RGS5: variants seen among roughly 807,000 people sequenced by gnomAD.
RGS5 encodes regulator of G protein signaling 5, also known as regulator of G-protein signalling 5.
Under a neutral mutation model 18.9 loss-of-function variants are expected in RGS5, and 20 were observed. The ratio of observed to expected loss-of-function variants is 1.06; its 90% confidence interval spans 0.74 to 1.54. The LOEUF is 1.54. RGS5 is among the 40% of genes most tolerant of loss of function. RGS5 has a pLI of 0.00. For synonymous variants in RGS5, 57 were observed against 76.2 expected, an observed-to-expected ratio of 0.75 and a Z score of 1.31; for missense variants, 201 against 211.8, an observed-to-expected ratio of 0.95 and a Z score of 0.32.
chr1:163,272,065 A>C (rs927927050), intron 2 of RGS5, among the ~76,000 whole-genome samples: 4 of 147,470 alleles, frequency 2.7e-5, no homozygotes, highest in Non-Finnish European at 4.5e-5. Context: ...TTTTTTTCTT[A>C]GGTGAAGTCT....
At chr1:163,315,536 C>A (rs1437313911) in intron 1 of RGS5, among the ~76,000 whole-genome samples, 1 of 152,162 alleles carries the variant, frequency 6.6e-6, no homozygotes, top group Non-Finnish European at 1.5e-5. Context: ...GGAAATGATA[C>A]TAGAGAGGTT....
At chr1:163,233,756 C>T (rs747759326) in intron 2 of RGS5, among the ~76,000 whole-genome samples, 1 of 152,008 alleles carries the variant, frequency 6.6e-6, no homozygotes, top group Non-Finnish European at 1.5e-5. Flanking sequence ...TTACAAAGTA[C>T]CTTCTTAAGG....
chr1:163,278,527 A>G (rs915541482), intron 2 of RGS5, among the ~76,000 whole-genome samples: 20 of 152,138 alleles, frequency 1.3e-4, no homozygotes, highest in African/African-American at 4.6e-4. Context: ...ATGAAAACAC[A>G]GAAGTATTAA....
chr1:163,223,565 T>C (rs1033595170), intron 2 of RGS5, among the ~76,000 whole-genome samples: 2 of 152,176 alleles, frequency 1.3e-5, no homozygotes, highest in Non-Finnish European at 2.9e-5. Context: ...GCTTCCTTTC[T>C]CTTTAAGCTA....
chr1:163,271,776 C>A (rs2101712348), intron 2 of RGS5, among the ~76,000 whole-genome samples: 1 of 152,204 alleles, frequency 6.6e-6, no homozygotes, highest in East Asian at 1.9e-4. Context: ...CCTTTGTGGG[C>A]ATATGTTTTC....
At chr1:163,178,135 G>A (rs776264203) in intron 1 of RGS5, among the ~76,000 whole-genome samples, 6 of 151,758 alleles carry the variant, frequency 4.0e-5, no homozygotes, top group South Asian at 2.1e-4. Flanking sequence ...AACACTCCCC[G>A]CCGTCTCTTC....
Position 163,147,044 on chromosome 1 carries a change from T to A in RGS5, c.*298A>T. On this transcript the variant is annotated 3_prime_UTR_variant, in exon 5 of 5. Transcript: ENST00000313961. Reference sequence around the variant, plus strand: ...ATTCATTGATATCATAGTCTTGTCTTATATTTCTTTGCCTTAGGCAGGATT... The same window carrying A: ...ATTCATTGATATCATAGTCTTGTCTAATATTTCTTTGCCTTAGGCAGGATT... The A allele has an allele frequency of 4.3e-6, 1 of 231,826 alleles. No individual in the cohort carries two copies. The highest frequency in any genetic ancestry group is 1.4e-4 in the South Asian group (1 of 7,210). The allele number at this position is 231,826 out of a possible 1,614,324, so 14.4% of individuals were successfully genotyped here.
chr1:163,254,310 C>T (rs1648206449), intron 2 of RGS5, among the ~76,000 whole-genome samples: 1 of 151,752 alleles, frequency 6.6e-6, no homozygotes, highest in South Asian at 2.1e-4. Context: ...TCTCCAGCAC[C>T]TGTTCTTTCC....
At chr1:163,245,258 T>C (rs1251812207) in intron 2 of RGS5, among the ~76,000 whole-genome samples, 1 of 152,198 alleles carries the variant, frequency 6.6e-6, no homozygotes, top group Non-Finnish European at 1.5e-5. Flanking sequence ...ATATCCCTCA[T>C]GTACTACACC....
At chr1:163,238,219 A>C (rs1368327854) in intron 2 of RGS5, among the ~76,000 whole-genome samples, 1 of 152,222 alleles carries the variant, frequency 6.6e-6, no homozygotes, top group Non-Finnish European at 1.5e-5. Context: ...AAATCTTATA[A>C]TTATCTACAT....
intron 2 of RGS5, among the ~76,000 whole-genome samples, chr1:163,259,535 T>G (rs1309421574): frequency 2.0e-5 from 3 of 151,992 alleles, no homozygotes; most frequent in South Asian, 4.1e-4. Flanking sequence ...CACAATACAG[T>G]ATGGTACACA....
At chr1:163,156,919 C>CT (rs1314614597) in intron 3 of RGS5, among the ~76,000 whole-genome samples, 2 of 151,992 alleles carry the variant, frequency 1.3e-5, no homozygotes, top group African/African-American at 4.8e-5. Context: ...TAAGTGTTAG[C>CT]TATTGCTTTT....
At chr1:163,230,179 T>C (rs1034868713) in intron 2 of RGS5, among the ~76,000 whole-genome samples, 1 of 152,158 alleles carries the variant, frequency 6.6e-6, no homozygotes, top group African/African-American at 2.4e-5. Flanking sequence ...GAGATAAAAT[T>C]CAAAATTTTG....
At chr1:163,151,495 C>A (rs1657373092) in intron 4 of RGS5, among the ~76,000 whole-genome samples, 2 of 152,184 alleles carry the variant, frequency 1.3e-5, no homozygotes, top group African/African-American at 4.8e-5. Context: ...CCACCCAAAT[C>A]TCACCTTAAA....
At chr1:163,290,460 C>T (rs778950741) in intron 2 of RGS5, among the ~76,000 whole-genome samples, 37 of 152,138 alleles carry the variant, frequency 2.4e-4, no homozygotes, top group Admixed American at 1.3e-3. Context: ...AACATTTCTT[C>T]ATTGTTTACT....
chr1:163,170,386 T>A (rs2102403789), intron 1 of RGS5, among the ~76,000 whole-genome samples: 1 of 152,358 alleles, frequency 6.6e-6, no homozygotes, highest in East Asian at 1.9e-4. Context: ...TCTTTACAAA[T>A]CTGCTAACAT....
intron 1 of RGS5, among the ~76,000 whole-genome samples, chr1:163,169,185 C>T (rs1658193022): frequency 6.6e-6 from 1 of 152,136 alleles, no homozygotes; most frequent in Non-Finnish European, 1.5e-5. Context: ...CTACAAAGGA[C>T]ATGAACTCAT....
At chr1:163,317,111 A>G (rs1275522176) in intron 1 of RGS5, among the ~76,000 whole-genome samples, 1 of 152,122 alleles carries the variant, frequency 6.6e-6, no homozygotes, top group Non-Finnish European at 1.5e-5. Context: ...GTATCTGGAC[A>G]TTGTCATGTG....
At chr1:163,313,767 G>C (rs1169546017) in intron 1 of RGS5, among the ~76,000 whole-genome samples, 2 of 152,320 alleles carry the variant, frequency 1.3e-5, no homozygotes, top group Non-Finnish European at 2.9e-5. Flanking sequence ...ATCCTTTCTA[G>C]AAGGATTCAG....
Sources: allele counts gnomAD v4.1 joint callset (sites outside exome capture counted in the v4.1 genomes callset), GRCh38; gene constraint gnomAD v4.1.1; transcripts MANE v1.5; gene names NCBI Gene and HGNC (gene_info 2026-07-23, HGNC 2026-07-21).